EBF3: variants seen among roughly 807,000 people sequenced by gnomAD.
The protein encoded by EBF3 is transcription factor COE3.
A neutral mutation model predicts 77.1 loss-of-function variants in EBF3; 18 were observed. The observed-to-expected ratio is 0.23, with a 90% CI of 0.16 to 0.35. The LOEUF is 0.35. Among genes scored for constraint, EBF3 ranks in the 10% least tolerant of loss-of-function variants. The pLI is 1.00. For synonymous variants in EBF3, 350 were observed against 343.5 expected (o/e 1.02, Z -0.21); for missense variants, 558 against 860.0 (o/e 0.65, Z 4.39).
At position 129,848,401 on chromosome 10, in the gene EBF3, C is replaced by A. The variant is rs749762829; in HGVS notation, c.1119G>T (p.Arg373Ser). The A allele has an allele frequency of 6.2e-7, 1 of 1,614,206 alleles. No homozygotes were observed. The highest frequency in any genetic ancestry group is 8.5e-7 in the Non-Finnish European group (1 of 1,180,038). Residue 373 changes from arginine to serine, a missense_variant, in exon 11 of 17, where the codon AGG (arginine) becomes AGT (serine). This residue lies in a region of EBF3 where 284 missense variants were observed against 368.3 expected (regional missense o/e 0.77). Coordinates refer to ENST00000440978, the MANE Select transcript of EBF3 (RefSeq NM_001375380.1). The surrounding 1 kb of genome is among the most constrained non-coding windows in gnomAD (Gnocchi z 4.4). Reference sequence around the variant, plus strand: ...TTGCTCTTTTACTAACCTTGGGTAACCTTTCGGGATCACCCGGATGTCTTG... The same window carrying A: ...TTGCTCTTTTACTAACCTTGGGTAAACTTTCGGGATCACCCGGATGTCTTG... ...VIPRHPGDPE[R>S]LPKEVLLKRA...
At chr10:129,946,244 C>A (rs1025824903) in intron 6 of EBF3, among the ~76,000 whole-genome samples, 2 of 152,222 alleles carry the variant, frequency 1.3e-5, no homozygotes, top group African/African-American at 4.8e-5. Context: ...CCCCAGCACA[C>A]GCAATAAATT....
Position 129,964,088 on chromosome 10 carries a change from G to A in EBF3, c.-320C>T, listed in dbSNP as rs1174366637. Reference sequence around the variant, plus strand: ...AACGTGGTGTCATCCTAGCCAGGCGGCGTCCGCGGCTGCAGGACACTGCGG... The same window carrying A: ...AACGTGGTGTCATCCTAGCCAGGCGACGTCCGCGGCTGCAGGACACTGCGG... On this transcript the variant is annotated 5_prime_UTR_variant, in exon 1 of 17. Coordinates refer to ENST00000440978, the MANE Select transcript of EBF3 (RefSeq NM_001375380.1). The surrounding 1 kb of genome is among the most constrained non-coding windows in gnomAD (Gnocchi z 4.5). 9 of 985,054 alleles carry A rather than the reference G, an allele frequency of 9.1e-6. No homozygotes were observed. Among genetic ancestry groups the A allele is most frequent in the Non-Finnish European group, 1.1e-5 (9 of 829,862 alleles). The allele number at this position is 985,054 out of a possible 1,614,324, so 61.0% of individuals were successfully genotyped here.
chr10:129,927,220 C>T (rs778697367), intron 6 of EBF3, among the ~76,000 whole-genome samples: 73 of 152,360 alleles, frequency 4.8e-4, no homozygotes, highest in Middle Eastern at 3.4e-3. Flanking sequence ...CAAACCAGCA[C>T]ATGGCCAGGA....
At chr10:129,951,674 T>C (rs945808303) in intron 6 of EBF3, among the ~76,000 whole-genome samples, 6 of 152,268 alleles carry the variant, frequency 3.9e-5, no homozygotes, top group Admixed American at 6.5e-5. Flanking sequence ...GATGCAGGCC[T>C]GGGCCTGGTG....
chr10:129,901,604 G>A (rs988819539), intron 6 of EBF3, among the ~76,000 whole-genome samples: 2 of 152,144 alleles, frequency 1.3e-5, no homozygotes, highest in Non-Finnish European at 2.9e-5. Context: ...AATAGGTTTC[G>A]GCAGTTCTCA....
intron 6 of EBF3, among the ~76,000 whole-genome samples, chr10:129,923,281 A>G (rs1856438491): frequency 6.6e-6 from 1 of 152,208 alleles, no homozygotes; most frequent in African/African-American, 2.4e-5. Context: ...CCTCAGGTCT[A>G]ATTACTGTAA....
At position 129,867,235 on chromosome 10, in the gene EBF3, G is replaced by C. The variant is rs76892753; in HGVS notation, c.945C>G (p.Thr315=). ...CGACGCCAGGAATGTGCCTCGGCGG[G>C]GTCTGGACTCGGATGGCATGGGGAG... ...LITPHAIRVQ[T]PPRHIPGVVE... Residue 315 remains threonine, a synonymous_variant, in exon 10 of 17, where the codon ACC becomes ACG. Coordinates refer to ENST00000440978, the MANE Select transcript of EBF3 (RefSeq NM_001375380.1). 1.2e-6 allele frequency: 2 copies of C among 1,614,108 alleles called. No homozygotes were observed. The highest frequency in any genetic ancestry group is 1.7e-6 in the Non-Finnish European group (2 of 1,180,008).
chr10:129,950,617 C>T (rs1858604550), intron 6 of EBF3, among the ~76,000 whole-genome samples: 1 of 152,092 alleles, frequency 6.6e-6, no homozygotes, highest in East Asian at 1.9e-4. Flanking sequence ...GTCTAAGAAG[C>T]TTATAAAATT....
At position 129,861,859 on chromosome 10, in the gene EBF3, T is replaced by C. The variant is rs1851661475; in HGVS notation, c.1039+5282A>G. Among the ~76,000 whole-genome samples the C allele has an allele frequency of 6.6e-6, 1 of 152,234 alleles. No homozygotes were observed. The highest frequency in any genetic ancestry group is 1.5e-5 in the Non-Finnish European group (1 of 68,046). On this transcript the variant is annotated intron_variant, in intron 10 of 16. Coordinates refer to ENST00000440978, the MANE Select transcript of EBF3 (RefSeq NM_001375380.1). This position sits in a 1 kb window ranked among gnomAD's most constrained non-coding sequence, Gnocchi z 4.3. ...CGGCAATTAAGCATCATTTGCTCTG[T>C]GCATCCAAGTAATTTGTTTGAGGAG... is the stretch of plus-strand genomic sequence containing the variant.
At chr10:129,939,732 C>G (rs1191362471) in intron 6 of EBF3, among the ~76,000 whole-genome samples, 2 of 152,260 alleles carry the variant, frequency 1.3e-5, no homozygotes, top group Non-Finnish European at 1.5e-5. Flanking sequence ...AGAATTCCCA[C>G]GTGGAACCAG....
At position 129,841,063 on chromosome 10, in the gene EBF3, ACATT is replaced by A; in HGVS notation, c.1373-35_1373-32del. The A allele has an allele frequency of 6.2e-7, 1 of 1,607,296 alleles. No individual in the cohort carries two copies. The highest frequency in any genetic ancestry group is 8.5e-7 in the Non-Finnish European group (1 of 1,176,662). On this transcript the variant is annotated intron_variant, in intron 13 of 16. Transcript: ENST00000440978. This position sits in a 1 kb window ranked among gnomAD's most constrained non-coding sequence, Gnocchi z 4.6. ...GAAATCCCCCCCCCGGCCAAAAATA[ACATT>A]ATTATCAGCGACAGACACTTGGGGG...
rs1852873577 is a variant in EBF3 at position 129,877,510 on chromosome 10, C to T, written c.636+258G>A. ...AAAAAAAAAAAAAAAAAAGCTTCCA[C>T]ATGGCCATGTTTTCAAAGCTAAGTT... On this transcript the variant is annotated intron_variant, in intron 7 of 16. Coordinates refer to ENST00000440978, the MANE Select transcript of EBF3 (RefSeq NM_001375380.1). Among the ~76,000 whole-genome samples the T allele has an allele frequency of 2.7e-5, 4 of 147,972 alleles. No homozygotes were observed. In the South Asian group the frequency reaches 6.4e-4, roughly 24 times the overall value.
At chr10:129,940,486 C>CT in intron 6 of EBF3, among the ~76,000 whole-genome samples, 1 of 152,360 alleles carries the variant, frequency 6.6e-6, no homozygotes, top group Non-Finnish European at 1.5e-5. Context: ...AGCTATACCC[C>CT]TTCCCAGCTG....
In EBF3 at chr10:129,963,260, C is replaced by A. The variant is rs1383065777; in HGVS notation, c.291+107G>T. On this transcript the variant is annotated intron_variant, in intron 2 of 16. Coordinates refer to ENST00000440978, the MANE Select transcript of EBF3 (RefSeq NM_001375380.1). This position sits in a 1 kb window ranked among gnomAD's most constrained non-coding sequence, Gnocchi z 7.1. The stretch of plus-strand genomic sequence containing the variant: ...ACGTGGCGGCGGCGGGGTGGCCTGG[C>A]GGAGCCGAGCCCGCCGCCTAGGGGG... 1.4e-6 allele frequency: 2 copies of A among 1,452,636 alleles called. No homozygotes were observed. Among genetic ancestry groups the A allele is most frequent in the Admixed American group, 2.9e-5 (1 of 34,808 alleles). The allele number at this position is 1,452,636 out of a possible 1,614,324, so 90.0% of individuals were successfully genotyped here.
intron 6 of EBF3, among the ~76,000 whole-genome samples, chr10:129,915,095 T>C (rs1254655548): frequency 6.6e-6 from 1 of 152,078 alleles, no homozygotes; most frequent in African/African-American, 2.4e-5. Flanking sequence ...GCCCATCCAC[T>C]GGGGCAGTTT....
intron 10 of EBF3, among the ~76,000 whole-genome samples, chr10:129,857,166 T>C (rs1851310533): frequency 6.6e-6 from 1 of 152,212 alleles, no homozygotes; most frequent in African/African-American, 2.4e-5. Flanking sequence ...AGAAAAGGAA[T>C]GTTCTAAGGC....
intron 6 of EBF3, among the ~76,000 whole-genome samples, chr10:129,937,750 C>A (rs1010619463): frequency 6.6e-6 from 1 of 152,144 alleles, no homozygotes; most frequent in Admixed American, 6.5e-5. Context: ...CAACCTGTCC[C>A]GGGCTGTCCC....
Position 129,850,231 on chromosome 10 carries a change from A to T in EBF3, c.1040-1751T>A, listed in dbSNP as rs572866042. ...GCCTGATGAAAGGTGATCAGAAAAGATAGATGGGCGGCCATTATTGATTTC... is the reference window on the plus strand; with the variant it reads ...GCCTGATGAAAGGTGATCAGAAAAGTTAGATGGGCGGCCATTATTGATTTC... On this transcript the variant is annotated intron_variant, in intron 10 of 16. Transcript: ENST00000440978. Among the ~76,000 whole-genome samples, 5 of 152,366 alleles carry T rather than the reference A, an allele frequency of 3.3e-5. No homozygotes were observed. The East Asian group carries it at 9.6e-4, about 29-fold the overall frequency.
At chr10:129,921,771 G>T (rs1856330312) in intron 6 of EBF3, among the ~76,000 whole-genome samples, 3 of 152,130 alleles carry the variant, frequency 2.0e-5, no homozygotes, top group Admixed American at 2.0e-4. Context: ...TAAAGAACTG[G>T]GATGTGGCTG....
Sources: gnomAD v4.1 joint callset for allele counts (sites outside exome capture counted in the v4.1 genomes callset) on GRCh38, gnomAD v4.1.1 for gene constraint, gnomAD v4.1.1 regional missense constraint, Gnocchi (gnomAD v3.1) non-coding constraint, MANE v1.5 for transcripts, NCBI Gene and HGNC (gene_info 2026-07-23, HGNC 2026-07-21) for gene names.